The following MGMT variants were observed in gnomAD, a reference collection of about 807,000 sequenced individuals.
MGMT encodes the protein methylated-DNA--protein-cysteine methyltransferase.
MGMT carries 14 observed loss-of-function variants against 15.9 expected under a neutral mutation model. The ratio of observed to expected loss-of-function variants is 0.88; its 90% CI spans 0.58 to 1.37. The LOEUF is 1.37. Ranked by LOEUF, MGMT falls within the 40% of genes most tolerant of loss-of-function variation. The pLI is 0.00. For synonymous variants in MGMT, 130 were observed against 118.2 expected, an observed-to-expected ratio of 1.10 and a Z score of -0.65; for missense variants, 282 against 268.1, an observed-to-expected ratio of 1.05 and a Z score of -0.36.
chr10:129,687,795 C>T (rs1241688252), intron 2 of MGMT, among the ~76,000 whole-genome samples: 3 of 151,772 alleles, frequency 2.0e-5, no homozygotes, highest in Admixed American at 6.6e-5. Flanking sequence ...TGTGCTGCAC[C>T]CATTAACTCA....
chr10:129,612,089 C>T (rs1411781192), intron 2 of MGMT, among the ~76,000 whole-genome samples: 1 of 151,974 alleles, frequency 6.6e-6, no homozygotes, highest in Admixed American at 6.6e-5. Context: ...TCCAGAAAGG[C>T]GGGACACCTT....
intron 2 of MGMT, among the ~76,000 whole-genome samples, chr10:129,627,363 A>G (rs899236849): frequency 2.6e-5 from 4 of 152,200 alleles, no homozygotes; most frequent in African/African-American, 9.6e-5. Flanking sequence ...CAGAAACTTG[A>G]AGGAGAAAAC....
intron 3 of MGMT, among the ~76,000 whole-genome samples, chr10:129,750,705 T>G (rs913355616): frequency 7.2e-5 from 11 of 152,106 alleles, no homozygotes; most frequent in African/African-American, 2.2e-4. Flanking sequence ...AACTTAAGCA[T>G]CCATGGATTT....
At chr10:129,572,172 T>C (rs948825167) in intron 2 of MGMT, among the ~76,000 whole-genome samples, 4 of 152,192 alleles carry the variant, frequency 2.6e-5, no homozygotes, top group Admixed American at 6.5e-5. Flanking sequence ...GGCTTTGATG[T>C]TACCTCCAGT....
intron 2 of MGMT, among the ~76,000 whole-genome samples, chr10:129,611,807 T>C (rs112722939): frequency 3.9e-5 from 6 of 152,194 alleles, no homozygotes; most frequent in Non-Finnish European, 5.9e-5. Context: ...TGCACCTGCC[T>C]CTGAGCTCCT....
intron 3 of MGMT, among the ~76,000 whole-genome samples, chr10:129,744,613 G>GGCCTGGGCCACACAGGCCCTA (rs1337253760): frequency 4.6e-5 from 7 of 152,242 alleles, no homozygotes; most frequent in Non-Finnish European, 1.5e-5. Flanking sequence ...TGCCTGCAGA[G>GGCCTGGGCCACACAGGCCCTA]GCCTGGGCCA....
In MGMT at chr10:129,560,954, A is replaced by AGTGTGTGTGTGTGTGTGTGTGT. The variant is rs57984603; in HGVS notation, c.125+24600_125+24621dup. 7.5e-5 allele frequency among the ~76,000 whole-genome samples: 10 copies of AGTGTGTGTGTGTGTGTGTGTGT among 133,320 alleles called. 1 individual carries two copies. Among genetic ancestry groups the AGTGTGTGTGTGTGTGTGTGTGT allele is most frequent in the African/African-American group, 1.4e-4 (5 of 36,480 alleles). 87.5% of individuals were successfully genotyped at this position (133,320 alleles called of 152,430 possible). ...TCTCCAGCTGAATTCAGTAAAGAGC[A>AGTGTGTGTGTGTGTGTGTGTGT]GTGTGTGTGTGTGTGTGTGTGTGTG... is the stretch of plus-strand genomic sequence containing the variant. On this transcript the variant is annotated intron_variant, in intron 2 of 4. Transcript: ENST00000651593.
intron 1 of MGMT, among the ~76,000 whole-genome samples, chr10:129,514,474 T>C (rs1845716600): frequency 6.6e-6 from 1 of 150,846 alleles, no homozygotes; most frequent in Non-Finnish European, 1.5e-5. Flanking sequence ...TTTGGCCAAA[T>C]GATTTTTCTA....
intron 1 of MGMT, among the ~76,000 whole-genome samples, chr10:129,516,076 C>A (rs1845735210): frequency 6.6e-6 from 1 of 152,152 alleles, no homozygotes; most frequent in Admixed American, 6.5e-5. Context: ...CTTAAACGTC[C>A]AAGGAAGAGC....
At chr10:129,631,735 A>G (rs1472903023) in intron 2 of MGMT, among the ~76,000 whole-genome samples, 1 of 152,146 alleles carries the variant, frequency 6.6e-6, no homozygotes, top group African/African-American at 2.4e-5. Flanking sequence ...GAGGTAGGAA[A>G]ATCTCTTGAG....
At chr10:129,483,583 T>C (rs973165892) in intron 1 of MGMT, among the ~76,000 whole-genome samples, 3 of 152,188 alleles carry the variant, frequency 2.0e-5, no homozygotes, top group Admixed American at 6.5e-5. Flanking sequence ...GTTGTTCCAT[T>C]GTGTTCTGCC....
intron 1 of MGMT, among the ~76,000 whole-genome samples, chr10:129,474,458 A>G (rs1357744752): frequency 6.6e-6 from 1 of 152,098 alleles, no homozygotes; most frequent in Admixed American, 6.5e-5. Flanking sequence ...TCTTATTGAG[A>G]GAGACGAAAG....
At chr10:129,513,485 G>A (rs1010526426) in intron 1 of MGMT, among the ~76,000 whole-genome samples, 35 of 152,164 alleles carry the variant, frequency 2.3e-4, no homozygotes, top group Admixed American at 1.8e-3. Flanking sequence ...CACCACCGGC[G>A]ACCCCTGGCT....
chr10:129,604,923 G>A (rs2065018096), intron 2 of MGMT, among the ~76,000 whole-genome samples: 1 of 152,338 alleles, frequency 6.6e-6, no homozygotes, highest in African/African-American at 2.4e-5. Context: ...AGAAGTGAAC[G>A]GAATCACAGT....
chr10:129,660,072 CA>C (rs1252275662), intron 2 of MGMT, among the ~76,000 whole-genome samples: 1 of 152,198 alleles, frequency 6.6e-6, no homozygotes, highest in African/African-American at 2.4e-5. Flanking sequence ...CCAATTCCAA[CA>C]GCCATTTGTC....
At position 129,769,360 on chromosome 10, in the gene MGMT, CG is replaced by C. The variant is rs1181194973; in HGVS notation, c.*2364del. The C allele has an allele frequency of 6.6e-6, 1 of 152,166 alleles. No homozygotes were observed. The highest frequency in any genetic ancestry group is 1.5e-5 in the Non-Finnish European group (1 of 68,046). 9.4% of individuals were successfully genotyped at this position (152,166 alleles called of 1,614,324 possible). ...TCTGCCTCCAAGCTGCAGCGCCGTT[CG>C]TGAAAATACAGAGGGAGAGGGAAGG... On this transcript the variant is annotated 3_prime_UTR_variant, in exon 5 of 5. Transcript: ENST00000651593.
intron 2 of MGMT, among the ~76,000 whole-genome samples, chr10:129,571,328 C>T (rs1293848418): frequency 6.6e-6 from 1 of 152,052 alleles, no homozygotes. Context: ...AATGAGAGGC[C>T]CTAAGGCAAC....
chr10:129,559,093 C>T (rs965586057), intron 2 of MGMT, among the ~76,000 whole-genome samples: 1 of 152,126 alleles, frequency 6.6e-6, no homozygotes, highest in Non-Finnish European at 1.5e-5. Context: ...TGCGTCGGAA[C>T]GTGGTGTCTT....
At chr10:129,720,902 C>G (rs1027621104) in intron 3 of MGMT, among the ~76,000 whole-genome samples, 10 of 151,312 alleles carry the variant, frequency 6.6e-5, no homozygotes, top group Admixed American at 6.6e-4. Context: ...GCTTGGGTCT[C>G]TCCTCTTCCC....
Sources: allele counts gnomAD v4.1 joint callset (sites outside exome capture counted in the v4.1 genomes callset), GRCh38; gene constraint gnomAD v4.1.1; transcripts MANE v1.5; gene names NCBI Gene and HGNC (gene_info 2026-07-23, HGNC 2026-07-21).